The following SETBP1 variants were observed in gnomAD, a reference collection of about 807,000 sequenced individuals.
SETBP1 encodes the protein SET-binding protein.
SETBP1 carries 9 observed loss-of-function variants against 101.0 expected under a neutral mutation model. That is an observed-to-expected ratio of 0.09 (90% CI 0.05 to 0.16). The LOEUF (loss-of-function observed/expected upper bound fraction) is 0.16. Among genes scored for constraint, SETBP1 ranks in the 10% least tolerant of loss-of-function variants. The pLI, the probability that SETBP1 is intolerant of heterozygous loss-of-function variation, is 1.00. For missense variants in SETBP1, 1,858 were observed against 2,033.8 expected, an observed-to-expected ratio of 0.91 and a Z score of 1.66; for synonymous variants, 818 against 788.5, an observed-to-expected ratio of 1.04 and a Z score of -0.63.
At chr18:44,829,516 C>G (rs2072311206) in intron 2 of SETBP1, among the ~76,000 whole-genome samples, 2 of 152,098 alleles carry the variant, frequency 1.3e-5, no homozygotes, top group Admixed American at 1.3e-4. Context: ...TAGTTATATC[C>G]TGGTTTCCAT....
chr18:44,728,849 A>G (rs2069770899), intron 2 of SETBP1, among the ~76,000 whole-genome samples: 1 of 152,224 alleles, frequency 6.6e-6, no homozygotes, highest in African/African-American at 2.4e-5. Context: ...AAGAAATGCA[A>G]GTAGATCCAT....
At chr18:45,010,217 G>T (rs1231627810) in intron 4 of SETBP1, among the ~76,000 whole-genome samples, 1 of 152,100 alleles carries the variant, frequency 6.6e-6, no homozygotes, top group East Asian at 1.9e-4. Flanking sequence ...AGACATCAAG[G>T]GTGGCTTAAC....
intron 3 of SETBP1, among the ~76,000 whole-genome samples, chr18:44,890,322 A>G (rs1035614067): frequency 8.5e-5 from 13 of 152,110 alleles, no homozygotes; most frequent in African/African-American, 3.1e-4. Flanking sequence ...TTTATGTGAA[A>G]AGCAGGACAA....
intron 2 of SETBP1, among the ~76,000 whole-genome samples, chr18:44,752,182 T>C (rs1437586986): frequency 6.6e-6 from 1 of 152,218 alleles, no homozygotes; most frequent in East Asian, 1.9e-4. Context: ...GTATATTTGA[T>C]TTTTATGTAT....
At chr18:44,727,097 G>A (rs761017547) in intron 2 of SETBP1, among the ~76,000 whole-genome samples, 1 of 151,712 alleles carries the variant, frequency 6.6e-6, no homozygotes, top group Non-Finnish European at 1.5e-5. Context: ...CATAATGTTC[G>A]TTTGGGTAAC....
At chr18:44,785,937 A>T (rs1479985361) in intron 2 of SETBP1, among the ~76,000 whole-genome samples, 1 of 152,072 alleles carries the variant, frequency 6.6e-6, no homozygotes, top group Non-Finnish European at 1.5e-5. Flanking sequence ...AGTAAGCTCT[A>T]ATTTGACTCT....
At chr18:45,005,709 T>C (rs2072709129) in intron 4 of SETBP1, among the ~76,000 whole-genome samples, 1 of 147,480 alleles carries the variant, frequency 6.8e-6, no homozygotes, top group South Asian at 2.2e-4. Context: ...TACAGTGGCA[T>C]GATCTCGGCT....
intron 2 of SETBP1, among the ~76,000 whole-genome samples, chr18:44,727,134 G>A (rs2069726232): frequency 6.6e-6 from 1 of 151,584 alleles, no homozygotes; most frequent in East Asian, 1.9e-4. Flanking sequence ...GGATAACTCA[G>A]TGTTTGAGCT....
intron 5 of SETBP1, among the ~76,000 whole-genome samples, chr18:45,062,225 C>T (rs1372572284): frequency 1.3e-5 from 2 of 152,156 alleles, no homozygotes; most frequent in South Asian, 2.1e-4. Context: ...ACAAGAAGTT[C>T]GGCTCATAAA....
In SETBP1 at chr18:45,015,050, G is replaced by A. The variant is rs111534263; in HGVS notation, c.4001-23435G>A. Among the ~76,000 whole-genome samples the A allele has an allele frequency of 4.0e-4, 61 of 152,254 alleles. 1 individual carries two copies. Among genetic ancestry groups the A allele is most frequent in the African/African-American group, 1.3e-3 (54 of 41,534 alleles). On this transcript the variant is annotated intron_variant, in intron 4 of 5. Transcript: ENST00000649279. Reference sequence around the variant, plus strand: ...CATCAGGGGATTCCTGATCAGTGGCGAGCATGCCAGGGCTTGGGGAGGATG... The same window carrying A: ...CATCAGGGGATTCCTGATCAGTGGCAAGCATGCCAGGGCTTGGGGAGGATG...
intron 2 of SETBP1, among the ~76,000 whole-genome samples, chr18:44,851,852 C>A (rs2072874086): frequency 6.6e-6 from 1 of 152,196 alleles, no homozygotes; most frequent in Non-Finnish European, 1.5e-5. Flanking sequence ...GGGACCTCCT[C>A]AAGGTTGCTA....
chr18:44,928,320 A>G (rs2070750065), intron 3 of SETBP1, among the ~76,000 whole-genome samples: 1 of 152,160 alleles, frequency 6.6e-6, no homozygotes, highest in South Asian at 2.1e-4. Context: ...TTCTTAATCC[A>G]GTCTATCATT....
intron 2 of SETBP1, among the ~76,000 whole-genome samples, chr18:44,755,987 A>G (rs2070484357): frequency 6.6e-6 from 1 of 152,092 alleles, no homozygotes; most frequent in South Asian, 2.1e-4. Flanking sequence ...AGGCCGAGAC[A>G]GGTGGATCAC....
At chr18:44,930,021 A>C (rs2070792168) in intron 3 of SETBP1, among the ~76,000 whole-genome samples, 1 of 152,246 alleles carries the variant, frequency 6.6e-6, no homozygotes, top group African/African-American at 2.4e-5. Flanking sequence ...GCCAGTTTTC[A>C]AAAGGAATGC....
intron 3 of SETBP1, among the ~76,000 whole-genome samples, chr18:44,879,176 G>A (rs2069475926): frequency 6.6e-6 from 1 of 152,254 alleles, no homozygotes; most frequent in East Asian, 1.9e-4. Context: ...TGCTTGTTTA[G>A]CAACAAAACA....
intron 4 of SETBP1, among the ~76,000 whole-genome samples, chr18:44,968,833 A>G (rs2071778448): frequency 6.6e-6 from 1 of 152,250 alleles, no homozygotes; most frequent in Admixed American, 6.5e-5. Flanking sequence ...TTTGTCATCC[A>G]GGAATAGCCT....
intron 2 of SETBP1, among the ~76,000 whole-genome samples, chr18:44,750,525 G>A (rs2070359208): frequency 6.6e-6 from 1 of 152,134 alleles, no homozygotes; most frequent in African/African-American, 2.4e-5. Flanking sequence ...GTAACAATTG[G>A]GAACCAATTT....
At chr18:44,812,213 C>T (rs1020044190) in intron 2 of SETBP1, among the ~76,000 whole-genome samples, 1 of 152,102 alleles carries the variant, frequency 6.6e-6, no homozygotes, top group Non-Finnish European at 1.5e-5. Context: ...TGCACACCCC[C>T]ACTTGTCCCC....
chr18:44,716,641 C>A (rs2069471576), intron 2 of SETBP1, among the ~76,000 whole-genome samples: 1 of 152,202 alleles, frequency 6.6e-6, no homozygotes, highest in African/African-American at 2.4e-5. Context: ...CGGCTCTCTG[C>A]AACCTCCAAC....
Sources: allele counts gnomAD v4.1 joint callset (sites outside exome capture counted in the v4.1 genomes callset), GRCh38; gene constraint gnomAD v4.1.1; transcripts MANE v1.5; gene names NCBI Gene and HGNC (gene_info 2026-07-23, HGNC 2026-07-21).